The following CACNA1H variants were observed in gnomAD, a reference collection of about 807,000 sequenced individuals.
The protein encoded by CACNA1H is calcium voltage-gated channel subunit alpha1 H.
Under a neutral mutation model 192.5 loss-of-function variants are expected in CACNA1H, and 149 were observed. The ratio of observed to expected loss-of-function variants is 0.77; its 90% confidence interval spans 0.68 to 0.89. The LOEUF is 0.89. Ranked by LOEUF, CACNA1H falls within the 40% of genes least tolerant of loss-of-function variation. CACNA1H has a pLI of 0.00. For synonymous variants in CACNA1H, 2,202 were observed against 1,475.2 expected, an observed-to-expected ratio of 1.49 and a Z score of -11.29; for missense variants, 4,257 against 3,423.5, an observed-to-expected ratio of 1.24 and a Z score of -6.08.
At chr16:1,166,094 CTTGT>C (rs2151678868) in intron 2 of CACNA1H, among the ~76,000 whole-genome samples, 1 of 152,356 alleles carries the variant, frequency 6.6e-6, no homozygotes, top group Non-Finnish European at 1.5e-5. Flanking sequence ...GCCGAGATTT[CTTGT>C]TTGTGTTTTC....
intron 2 of CACNA1H, among the ~76,000 whole-genome samples, chr16:1,155,324 C>A (rs941489285): frequency 6.6e-6 from 1 of 152,278 alleles, no homozygotes; most frequent in East Asian, 1.9e-4. Context: ...GTGGTGTCTG[C>A]GAGTAGGTGG....
At position 1,209,136 on chromosome 16, in the gene CACNA1H, C is replaced by A. The variant is rs2141326531; in HGVS notation, c.3468C>A (p.Arg1156=). The A allele has an allele frequency of 6.4e-7, 1 of 1,553,504 alleles. No homozygotes were observed. The highest frequency in any genetic ancestry group is 1.4e-5 in the African/African-American group (1 of 73,272). The change falls in exon 17 of 35, where the codon CGC becomes CGA. Residue 1156 remains arginine (R), a synonymous_variant. Coordinates refer to ENST00000348261, the MANE Select transcript of CACNA1H (RefSeq NM_021098.3). ...TGGGCCGTGCCCCCAGCCTCAAGCG[C>A]CGCGGCCAGTGTGGGGAACGTGAGT... ...SSLGRAPSLK[R]RGQCGERESL...
intron 2 of CACNA1H, among the ~76,000 whole-genome samples, chr16:1,175,267 C>T (rs1156299688): frequency 6.6e-6 from 1 of 152,168 alleles, no homozygotes; most frequent in East Asian, 1.9e-4. Context: ...GTAGGTGTGC[C>T]TACCAAGGGA....
Position 1,221,215 on chromosome 16 carries a change from G to GTT in CACNA1H, c.*224_*225dup. On this transcript the variant is annotated 3_prime_UTR_variant, in exon 35 of 35. Coordinates refer to ENST00000348261, the MANE Select transcript of CACNA1H (RefSeq NM_021098.3). Reference sequence around the variant, plus strand: ...TCCGTTCTGGTTCGGGTTTCTCCGAGTTTTGCTACCAGCCGAGGCTGTGCG... The same window carrying GTT: ...TCCGTTCTGGTTCGGGTTTCTCCGAGTTTTTTGCTACCAGCCGAGGCTGTGCG... 1.9e-6 allele frequency: 1 copy of GTT among 514,894 alleles called. No individual in the cohort carries two copies. The highest frequency in any genetic ancestry group is 3.4e-6 in the Non-Finnish European group (1 of 295,054). 31.9% of individuals were successfully genotyped at this position (514,894 alleles called of 1,614,324 possible). A position where few individuals can be genotyped will look rare whatever the true frequency, so the allele number is the denominator to read the frequency against.
chr16:1,207,315 G>A lies in CACNA1H; in HGVS notation c.2948G>A (p.Gly983Asp). 6.2e-7 allele frequency: 1 copy of A among 1,610,232 alleles called. No homozygotes were observed. Among genetic ancestry groups the A allele is most frequent in the African/African-American group, 1.3e-5 (1 of 74,906 alleles). ...GACTGGAACGTGGTCCTGTACAACG[G>A]CATGGCCTCCACCTCCTCCTGGGCC... ...QEDWNVVLYN[G>D]MASTSSWAAL... Residue 983 changes from glycine to aspartate, a missense_variant, in exon 14 of 35, where the codon GGC becomes GAC. Transcript: ENST00000348261.
Position 1,208,231 on chromosome 16 carries a change from A to G in CACNA1H, c.3363+10A>G, listed in dbSNP as rs775335365. On this transcript the variant is annotated intron_variant, in intron 16 of 34. Coordinates refer to ENST00000348261, the MANE Select transcript of CACNA1H (RefSeq NM_021098.3). ...AGACCAGAAGCCTCCGGTAGGGACC[A>G]TCTCCTGCCCCAGCTCTCAGGCCCC... The G allele has an allele frequency of 1.9e-6, 3 of 1,544,910 alleles. No individual in the cohort carries two copies. The highest frequency in any genetic ancestry group is 8.7e-7 in the Non-Finnish European group (1 of 1,145,758).
At position 1,204,247 on chromosome 16, in the gene CACNA1H, G is replaced by T; in HGVS notation, c.2240G>T (p.Arg747Leu). 1 of 1,610,392 alleles carries T rather than the reference G, an allele frequency of 6.2e-7. No homozygotes were observed. Among genetic ancestry groups the T allele is most frequent in the Non-Finnish European group, 8.5e-7 (1 of 1,178,834 alleles). ...CGCTGGGACCCCACGCGACCACCCC[G>T]TGCGACGGACACACCAGGCCCAGGC... The part of the protein sequence containing the change: ...GDRWDPTRPP[R>L]ATDTPGPGPG... Residue 747 changes from arginine (R) to leucine (L), a missense_variant, in exon 10 of 35, where the codon CGT (arginine) becomes CTT (leucine). Coordinates refer to ENST00000348261, the MANE Select transcript of CACNA1H (RefSeq NM_021098.3).
intron 5 of CACNA1H, among the ~76,000 whole-genome samples, chr16:1,196,496 G>A (rs986603750): frequency 6.6e-5 from 10 of 152,140 alleles, no homozygotes; most frequent in African/African-American, 2.4e-4. Flanking sequence ...CTGTCCTGAG[G>A]ACACCTCGCT....
At chr16:1,185,270 T>C (rs1567474547) in intron 2 of CACNA1H, among the ~76,000 whole-genome samples, 1 of 152,230 alleles carries the variant, frequency 6.6e-6, no homozygotes, top group African/African-American at 2.4e-5. Context: ...ACACCAGGGC[T>C]GTTTCCATCA....
At chr16:1,200,941 A>G in intron 8 of CACNA1H, 133 bp downstream of exon 8, 1 of 625,800 alleles carries the variant, frequency 1.6e-6, no homozygotes, top group East Asian at 3.1e-5. Flanking sequence ...GGAGGGAGGC[A>G]GAGCTTGCGG....
At chr16:1,193,752 C>G (rs1035107851) in intron 2 of CACNA1H, among the ~76,000 whole-genome samples, 1 of 152,018 alleles carries the variant, frequency 6.6e-6, no homozygotes, top group African/African-American at 2.4e-5. Context: ...GCATCAAATG[C>G]TGACCTGCTA....
chr16:1,178,751 T>A lies in CACNA1H; in HGVS notation c.300-16221T>A, dbSNP rs531344674. Among the ~76,000 whole-genome samples the A allele has an allele frequency of 2.0e-5, 3 of 151,970 alleles. No individual in the cohort carries two copies. The South Asian group carries it at 6.2e-4, about 32-fold the overall frequency. Reference sequence around the variant, plus strand: ...CCCGGCCAGGAGCTCCTGGGCAGGTTGGGCCCAGATGCCCCTGCCCCTGTC... The same window carrying A: ...CCCGGCCAGGAGCTCCTGGGCAGGTAGGGCCCAGATGCCCCTGCCCCTGTC... On this transcript the variant is annotated intron_variant, in intron 2 of 34. Coordinates refer to ENST00000348261, the MANE Select transcript of CACNA1H (RefSeq NM_021098.3).
At position 1,198,314 on chromosome 16, in the gene CACNA1H, C is replaced by G. The variant is rs35907934; in HGVS notation, c.644-301C>G. 0.1 allele frequency among the ~76,000 whole-genome samples: 15,299 copies of G among 152,230 alleles called. 1,086 individuals carry two copies. Among genetic ancestry groups the G allele is most frequent in the Non-Finnish European group, 0.15 (10,054 of 67,962 alleles). ...CCACTCCTGCCCCTCCACACCCCAG[C>G]CCTCCAAAAGCAGCAGACCTGCTGC... On this transcript the variant is annotated intron_variant, in intron 5 of 34. Coordinates refer to ENST00000348261, the MANE Select transcript of CACNA1H (RefSeq NM_021098.3).
At position 1,210,623 on chromosome 16, in the gene CACNA1H, C is replaced by T. The variant is rs1407322465; in HGVS notation, c.4010C>T (p.Ala1337Val). 5.0e-6 allele frequency: 8 copies of T among 1,606,662 alleles called. No homozygotes were observed. The East Asian group carries it at 1.1e-4, about 22-fold the overall frequency. The change falls in exon 20 of 35, where the codon GCC becomes GTC. Residue 1337 changes from alanine (A) to valine (V), a missense_variant. Ala to Val is a moderately conservative substitution (Grantham distance 64). Transcript: ENST00000348261. ...FLSVSNYIFT[A>V]IFVAEMMVKV... ...AGCGTCTCCAATTACATCTTCACGG[C>T]CATCTTCGTGGCGGAGATGATGGTG...
rs543177334 is a variant in CACNA1H, at chr16:1,169,430, C to T, written c.299+15394C>T. Among the ~76,000 whole-genome samples, 39 of 152,314 alleles carry T rather than the reference C, an allele frequency of 2.6e-4. 1 individual carries two copies. Among genetic ancestry groups the T allele is most frequent in the Admixed American group, 1.7e-3 (26 of 15,308 alleles). ...GCCCCGAGAGGGTGGCAGGGGCATT[C>T]GCCTTGGTCCTCGCCAGCATGCCCG... On this transcript the variant is annotated intron_variant, in intron 2 of 34. Transcript: ENST00000348261.
chr16:1,221,593 T>C lies in CACNA1H; in HGVS notation c.*599T>C, dbSNP rs1219114142. The C allele has an allele frequency of 3.2e-6, 2 of 618,458 alleles. No homozygotes were observed. Among genetic ancestry groups the C allele is most frequent in the Non-Finnish European group, 5.5e-6 (2 of 365,738 alleles). 38.3% of individuals were successfully genotyped at this position (618,458 alleles called of 1,614,324 possible). On this transcript the variant is annotated 3_prime_UTR_variant, in exon 35 of 35. Transcript: ENST00000348261. ...CATGGAGTAACGCGCCCGGCCCCGA[T>C]GCGAATCAGGCCTCCCCTACATCTG...
rs193024112 is a variant in CACNA1H, at chr16:1,182,703, G to T, written c.300-12269G>T. Among the ~76,000 whole-genome samples, 457 of 152,252 alleles carry T rather than the reference G, an allele frequency of 3.0e-3. 3 individuals are homozygous for T. Among genetic ancestry groups the T allele is most frequent in the Admixed American group, 5.9e-3 (90 of 15,300 alleles). On this transcript the variant is annotated intron_variant, in intron 2 of 34. Transcript: ENST00000348261. The stretch of plus-strand genomic sequence containing the variant: ...CATTGAGACTCAGAGCAGACTGGGG[G>T]TTGGCTGGGAGAGGCCAGGGTTGAG...
intron 1 of CACNA1H, 104 bp from the exon 2 acceptor site, chr16:1,153,616 G>A (rs1205521631): frequency 1.3e-5 from 9 of 694,440 alleles, no homozygotes; most frequent in African/African-American, 3.8e-5. Context: ...AATAAGAAAA[G>A]ACAAAGACAT....
rs1368290010 is a variant in CACNA1H at position 1,167,787 on chromosome 16, T to G, written c.299+13751T>G. On this transcript the variant is annotated intron_variant, in intron 2 of 34. Transcript: ENST00000348261. This position sits in a 1 kb window ranked among gnomAD's most constrained non-coding sequence, Gnocchi z 4.2. Reference sequence around the variant, plus strand: ...ACCCAGACACGGGAAACGGGACACCTGGAGCTGTGGCGCTGGTGTGTGCTT... The same window carrying G: ...ACCCAGACACGGGAAACGGGACACCGGGAGCTGTGGCGCTGGTGTGTGCTT... Among the ~76,000 whole-genome samples, 1 of 152,112 alleles carries G rather than the reference T, an allele frequency of 6.6e-6. No homozygotes were observed. The highest frequency in any genetic ancestry group is 2.4e-5 in the African/African-American group (1 of 41,418).
Sources: gnomAD v4.1 joint callset for allele counts (sites outside exome capture counted in the v4.1 genomes callset) on GRCh38, gnomAD v4.1.1 for gene constraint, Gnocchi (gnomAD v3.1) non-coding constraint, MANE v1.5 for transcripts, NCBI Gene and HGNC (gene_info 2026-07-23, HGNC 2026-07-21) for gene names.